The following NR2F6 variants were observed in gnomAD, a reference collection of about 807,000 sequenced individuals.
The protein encoded by NR2F6 is nuclear receptor subfamily 2 group F member 6.
A neutral mutation model predicts 26.5 loss-of-function variants in NR2F6; 16 were observed. The observed-to-expected ratio is 0.60, with a 90% CI of 0.41 to 0.92. The LOEUF is 0.92. Ranked by LOEUF, NR2F6 falls within the 40% of genes least tolerant of loss-of-function variation. The pLI is 0.00. For synonymous variants in NR2F6, 325 were observed against 305.0 expected (o/e 1.07, Z -0.68); for missense variants, 536 against 631.7 (o/e 0.85, Z 1.62).
Position 17,236,016 on chromosome 19 carries a change from G to C in NR2F6, c.423C>G (p.Ala141=). Residue 141 remains alanine (A), a synonymous_variant, in exon 3 of 4, where the codon GCC becomes GCG. Transcript: ENST00000291442. ...IPHSLPGAVA[A]SSGSPPGSAL... is the part of the protein sequence containing the mutation. ...CCGAGCCCGGGGGGCTGCCCGAGGA[G>C]GCGGCCACGGCACCAGGCAGCGAGT... 7.1e-7 allele frequency: 1 copy of C among 1,407,750 alleles called. No individual in the cohort carries two copies. The highest frequency in any genetic ancestry group is 9.2e-7 in the Non-Finnish European group (1 of 1,087,050). 87.2% of individuals were successfully genotyped at this position (1,407,750 alleles called of 1,614,324 possible). A position where few individuals can be genotyped will look rare whatever the true frequency, so the allele number is the denominator to read the frequency against.
Position 17,235,869 on chromosome 19 carries a change from GC to G in NR2F6, c.569del (p.Gly190AlafsTer48). On this transcript the variant is annotated frameshift_variant, in exon 3 of 4. Coordinates refer to ENST00000291442, the MANE Select transcript of NR2F6 (RefSeq NM_005234.4). LOFTEE classifies it high-confidence loss of function. The surrounding 1 kb of genome is among the most constrained non-coding windows in gnomAD (Gnocchi z 5.0). Reference protein sequence around the residue: ...PAAAGRFGAGGGAAGAVLGID... With the variant: ...PAAAGRFGAGXGAAGAVLGID... ...TGCCCAGCACCGCGCCCGCCGCGCC[GC>G]CCCCTGCGCCGAAGCGTCCGGCCGC... The G allele has an allele frequency of 3.4e-6, 5 of 1,462,582 alleles. No homozygotes were observed. The highest frequency in any genetic ancestry group is 5.2e-5 in the Admixed American group (2 of 38,736). 90.6% of individuals were successfully genotyped at this position (1,462,582 alleles called of 1,614,324 possible).
In NR2F6 at chr19:17,242,635, G is replaced by A. The variant is rs984644404; in HGVS notation, c.279-1870C>T. Among the ~76,000 whole-genome samples the A allele has an allele frequency of 6.6e-5, 10 of 152,238 alleles. No homozygotes were observed. In the East Asian group the frequency reaches 1.7e-3, roughly 26 times the overall value. On this transcript the variant is annotated intron_variant, in intron 1 of 3. Transcript: ENST00000291442. ...TGGGAAGAGGCCCCACTAGGGCAGA[G>A]GGAGCTCAGGCAGAACCAGAACAAA...
At chr19:17,232,665 C>G in intron 3 of NR2F6, 39 bp from the exon 4 acceptor site, 3 of 1,509,310 alleles carry the variant, frequency 2.0e-6, no homozygotes, top group Non-Finnish European at 2.6e-6. Flanking sequence ...TGGGAGGCAG[C>G]TAGAGAACAC....
chr19:17,239,428 A>G (rs1347021986), intron 2 of NR2F6, among the ~76,000 whole-genome samples: 10 of 151,080 alleles, frequency 6.6e-5, no homozygotes. Context: ...AGGCTGAGGC[A>G]GGCAGATCAC....
At chr19:17,237,662 G>A (rs977997585) in intron 2 of NR2F6, among the ~76,000 whole-genome samples, 15 of 151,874 alleles carry the variant, frequency 9.9e-5, no homozygotes, top group Admixed American at 4.6e-4. Flanking sequence ...TGCCCACCTC[G>A]GCCTCCCAAA....
In NR2F6 at chr19:17,235,644, G is replaced by C; in HGVS notation, c.795C>G (p.Leu265=). ...HTAPLLAAAG[L]HAAPMAAERA... ...GCTCGGCGGCCATAGGCGCGGCGTGGAGGCCGGCGGCGGCCAGTAGCGGCG... is the reference window on the plus strand; with the variant it reads ...GCTCGGCGGCCATAGGCGCGGCGTGCAGGCCGGCGGCGGCCAGTAGCGGCG... Residue 265 remains leucine (L), a synonymous_variant, in exon 3 of 4, where the codon CTC becomes CTG. Transcript: ENST00000291442. The surrounding 1 kb of genome is among the most constrained non-coding windows in gnomAD (Gnocchi z 5.0). 1 of 1,530,260 alleles carries C rather than the reference G, an allele frequency of 6.5e-7. No individual in the cohort carries two copies. The highest frequency in any genetic ancestry group is 1.2e-5 in the South Asian group (1 of 84,504). The allele number at this position is 1,530,260 out of a possible 1,614,324, so 94.8% of individuals were successfully genotyped here. A position where few individuals can be genotyped will look rare whatever the true frequency, so the allele number is the denominator to read the frequency against.
chr19:17,237,138 A>G (rs1053731170), intron 2 of NR2F6, among the ~76,000 whole-genome samples: 1 of 152,186 alleles, frequency 6.6e-6, no homozygotes, highest in African/African-American at 2.4e-5. Flanking sequence ...GGGCGAACAG[A>G]GCTAAGCGGA....
At chr19:17,238,468 C>G (rs1414542895) in intron 2 of NR2F6, among the ~76,000 whole-genome samples, 1 of 152,154 alleles carries the variant, frequency 6.6e-6, no homozygotes, top group African/African-American at 2.4e-5. Context: ...AAAGTGCACT[C>G]CAGGCAGAGG....
Position 17,235,414 on chromosome 19 carries a change from G to C in NR2F6, c.940+85C>G. On this transcript the variant is annotated intron_variant, in intron 3 of 3. Transcript: ENST00000291442. The surrounding 1 kb of genome is among the most constrained non-coding windows in gnomAD (Gnocchi z 5.0). ...CTAGGGAGCGAGCGGGGCGCTATGG[G>C]GGCCGGAGTCTGGGTCCAGGCCGCC... 6.6e-7 allele frequency: 1 copy of C among 1,511,276 alleles called. No individual in the cohort carries two copies. The highest frequency in any genetic ancestry group is 8.8e-7 in the Non-Finnish European group (1 of 1,136,018). 93.6% of individuals were successfully genotyped at this position (1,511,276 alleles called of 1,614,324 possible). A position where few individuals can be genotyped will look rare whatever the true frequency, so the allele number is the denominator to read the frequency against.
chr19:17,241,202 A>G (rs1382078138), intron 1 of NR2F6, among the ~76,000 whole-genome samples: 1 of 152,216 alleles, frequency 6.6e-6, no homozygotes, highest in Admixed American at 6.5e-5. Context: ...GGCAAAGAGG[A>G]CATGGTCAGA....
chr19:17,236,274 G>C (rs1418895368), intron 2 of NR2F6, among the ~76,000 whole-genome samples: 1 of 132,348 alleles, frequency 7.6e-6, no homozygotes, highest in Non-Finnish European at 1.6e-5. Context: ...GGGCCAAGTA[G>C]GTGCCCATAG....
At position 17,240,686 on chromosome 19, in the gene NR2F6, C is replaced by T. The variant is rs1397578742; in HGVS notation, c.358G>A (p.Gly120Ser). 1 of 1,614,086 alleles carries T rather than the reference C, an allele frequency of 6.2e-7. No homozygotes were observed. Among genetic ancestry groups the T allele is most frequent in the Non-Finnish European group, 8.5e-7 (1 of 1,180,038 alleles). ...YCRLKKCFRV[G>S]MRKEAVQRGR... ...ACGTACTCACCCTCCTTCCTCATGC[C>T]CACCCGGAAGCACTTCTTGAGACGG... Residue 120 changes from glycine to serine, a missense_variant, in exon 2 of 4, where the codon GGC (glycine) becomes AGC (serine). Gly to Ser is a moderately conservative substitution (Grantham distance 56). Coordinates refer to ENST00000291442, the MANE Select transcript of NR2F6 (RefSeq NM_005234.4).
intron 2 of NR2F6, among the ~76,000 whole-genome samples, chr19:17,236,298 G>A (rs949325156): frequency 7.6e-6 from 1 of 130,722 alleles, no homozygotes; most frequent in African/African-American, 2.9e-5. Context: ...CATGGGGTGG[G>A]GGGCAGGTGG....
chr19:17,245,714 G>A lies in NR2F6; in HGVS notation c.-494C>T, dbSNP rs2073495141. 1 of 145,586 alleles carries A rather than the reference G, an allele frequency of 6.9e-6. No homozygotes were observed. Among genetic ancestry groups the A allele is most frequent in the South Asian group, 2.1e-4 (1 of 4,786 alleles). The allele number at this position is 145,586 out of a possible 1,614,324, so 9.0% of individuals were successfully genotyped here. ...GGGGGAGGGGCGGCGGGTGCGCGCCGGGGCTGATCGCCGCGCCCCCTGGGT... is the reference window on the plus strand; with the variant it reads ...GGGGGAGGGGCGGCGGGTGCGCGCCAGGGCTGATCGCCGCGCCCCCTGGGT... On this transcript the variant is annotated 5_prime_UTR_variant, in exon 1 of 4. Transcript: ENST00000291442. The surrounding 1 kb of genome is among the most constrained non-coding windows in gnomAD (Gnocchi z 5.0).
chr19:17,235,959 G>T lies in NR2F6; in HGVS notation c.480C>A (p.Leu160=). The T allele has an allele frequency of 6.8e-7, 1 of 1,479,374 alleles. No individual in the cohort carries two copies. The highest frequency in any genetic ancestry group is 8.9e-7 in the Non-Finnish European group (1 of 1,121,634). 91.6% of individuals were successfully genotyped at this position (1,479,374 alleles called of 1,614,324 possible). A position where few individuals can be genotyped will look rare whatever the true frequency, so the allele number is the denominator to read the frequency against. ...ALAAVASGGD[L]FPGQPVSELI... Reference sequence around the variant, plus strand: ...GTTCGGACACCGGCTGCCCCGGGAAGAGGTCTCCGCCGCTCGCCACTGCCG... The same window carrying T: ...GTTCGGACACCGGCTGCCCCGGGAATAGGTCTCCGCCGCTCGCCACTGCCG... Residue 160 remains leucine, a synonymous_variant, in exon 3 of 4, where the codon CTC becomes CTA. Coordinates refer to ENST00000291442, the MANE Select transcript of NR2F6 (RefSeq NM_005234.4). This position sits in a 1 kb window ranked among gnomAD's most constrained non-coding sequence, Gnocchi z 5.0.
chr19:17,238,550 G>A (rs555291444), intron 2 of NR2F6, among the ~76,000 whole-genome samples: 11 of 152,218 alleles, frequency 7.2e-5, no homozygotes, highest in Non-Finnish European at 7.4e-5. Flanking sequence ...ATTTCCACCC[G>A]AGGCTTTTGG....
Position 17,235,626 on chromosome 19 carries a change from G to T in NR2F6, c.813C>A (p.Ala271=), listed in dbSNP as rs1460405188. 1.3e-6 allele frequency: 2 copies of T among 1,546,794 alleles called. No individual in the cohort carries two copies. The highest frequency in any genetic ancestry group is 1.9e-5 in the Admixed American group (1 of 53,012). Residue 271 remains alanine, a synonymous_variant, in exon 3 of 4, where the codon GCC becomes GCA. Coordinates refer to ENST00000291442, the MANE Select transcript of NR2F6 (RefSeq NM_005234.4). The surrounding 1 kb of genome is among the most constrained non-coding windows in gnomAD (Gnocchi z 5.0). The part of the protein sequence containing the change: ...AAAGLHAAPM[A]AERAVAFMDQ... ...CCATGAAAGCCACGGCGCGCTCGGC[G>T]GCCATAGGCGCGGCGTGGAGGCCGG...
At chr19:17,240,836 C>T (rs1406659819) in intron 1 of NR2F6, 71 bp from the exon 2 acceptor site, 2 of 1,470,748 alleles carry the variant, frequency 1.4e-6, no homozygotes, top group African/African-American at 2.8e-5. Context: ...CTATGAGCCG[C>T]CTTTGGAGGC....
chr19:17,239,149 C>T (rs1321959243), intron 2 of NR2F6, among the ~76,000 whole-genome samples: 8 of 141,170 alleles, frequency 5.7e-5, no homozygotes, highest in East Asian at 4.3e-4. Flanking sequence ...CCATCCTGGC[C>T]AACATAGTGA....
Sources: gnomAD v4.1 joint callset for allele counts (sites outside exome capture counted in the v4.1 genomes callset) on GRCh38, gnomAD v4.1.1 for gene constraint, Gnocchi (gnomAD v3.1) non-coding constraint, MANE v1.5 for transcripts, NCBI Gene and HGNC (gene_info 2026-07-23, HGNC 2026-07-21) for gene names.